Variants in ROR2 observed in about 807,000 individuals in gnomAD.
ROR2 encodes ROR family WNT receptor 2, also known as tyrosine-protein kinase transmembrane receptor ROR2.
Under a neutral mutation model 74.9 loss-of-function variants are expected in ROR2, and 33 were observed. The ratio of observed to expected loss-of-function variants is 0.44; its 90% confidence interval spans 0.33 to 0.59. ROR2 has a LOEUF of 0.59. ROR2 is among the 20% of genes least tolerant of loss of function. ROR2 has a pLI of 0.02. For synonymous variants in ROR2, 586 were observed against 558.7 expected, an observed-to-expected ratio of 1.05 and a Z score of -0.69; for missense variants, 1,216 against 1,313.8, an observed-to-expected ratio of 0.93 and a Z score of 1.15.
intron 1 of ROR2, among the ~76,000 whole-genome samples, chr9:91,806,087 C>T (rs955359548): frequency 2.0e-5 from 3 of 152,142 alleles, no homozygotes; most frequent in Admixed American, 1.3e-4. Context: ...TGTGACTGTT[C>T]GGGTGTGGAG....
intron 1 of ROR2, among the ~76,000 whole-genome samples, chr9:91,819,310 G>A (rs1367119041): frequency 1.3e-5 from 2 of 152,216 alleles, no homozygotes; most frequent in Non-Finnish European, 2.9e-5. Context: ...GCACAGAGAG[G>A]GTCCTGCTTC....
At chr9:91,903,567 A>C (rs1219114983) in intron 1 of ROR2, among the ~76,000 whole-genome samples, 1 of 152,106 alleles carries the variant, frequency 6.6e-6, no homozygotes, top group Non-Finnish European at 1.5e-5. Flanking sequence ...TCTGGAACAA[A>C]CAACCCCAAC....
In ROR2 at chr9:91,909,855, T is replaced by TG. The variant is rs1218257478; in HGVS notation, c.97+40011_97+40012insC. On this transcript the variant is annotated intron_variant, in intron 1 of 8. Coordinates refer to ENST00000375708, the MANE Select transcript of ROR2 (RefSeq NM_004560.4). Reference sequence around the variant, plus strand: ...TTTTTTAGGTTTGTTTTGTTTTTTTTTTTTTTTTTTTTTTTTAGTTTTTTT... The same window carrying TG: ...TTTTTTAGGTTTGTTTTGTTTTTTTTGTTTTTTTTTTTTTTTTAGTTTTTTT... 1.1e-3 allele frequency among the ~76,000 whole-genome samples: 138 copies of TG among 123,506 alleles called. 3 individuals carry two copies. The highest frequency in any genetic ancestry group is 3.8e-3 in the Middle Eastern group (1 of 264). 81.0% of individuals were successfully genotyped at this position (123,506 alleles called of 152,430 possible).
intron 2 of ROR2, among the ~76,000 whole-genome samples, chr9:91,770,000 G>A (rs770476575): frequency 1.8e-4 from 28 of 152,314 alleles, no homozygotes; most frequent in Non-Finnish European, 3.7e-4. Flanking sequence ...TCCGAGTACC[G>A]CCTTGGACAT....
Position 91,775,818 on chromosome 9 carries a change from C to T in ROR2, c.98G>A (p.Gly33Asp), listed in dbSNP as rs757564193. 2 of 1,614,026 alleles carry T rather than the reference C, an allele frequency of 1.2e-6. No individual in the cohort carries two copies. Among genetic ancestry groups the T allele is most frequent in the South Asian group, 2.2e-5 (2 of 91,072 alleles). The change falls in exon 2 of 9, where the codon GGT (glycine) becomes GAT (aspartate). Residue 33 changes from glycine to aspartate, a missense_variant and splice_region_variant. Gly to Asp is a moderately conservative substitution (Grantham distance 94). Coordinates refer to ENST00000375708, the MANE Select transcript of ROR2 (RefSeq NM_004560.4). ...ALLLSVSRTS[G>D]EVEVLDPNDP... ...GTTCGGATCCAGAACCTCCACTTCA[C>T]CTGGGAAAAAGAAACCAGGATAGGT...
chr9:91,863,883 G>C (rs544137546), intron 1 of ROR2, among the ~76,000 whole-genome samples: 5 of 152,246 alleles, frequency 3.3e-5, no homozygotes, highest in Admixed American at 3.3e-4. Context: ...GACTTTAAAT[G>C]GTGAACTGCA....
intron 1 of ROR2, among the ~76,000 whole-genome samples, chr9:91,893,557 TA>T (rs1280056965): frequency 1.3e-5 from 2 of 152,214 alleles, no homozygotes; most frequent in African/African-American, 4.8e-5. Flanking sequence ...AACCCCTGCC[TA>T]TTCTTCCCAT....
At chr9:91,771,463 G>A (rs1826224536) in intron 2 of ROR2, among the ~76,000 whole-genome samples, 2 of 152,354 alleles carry the variant, frequency 1.3e-5, no homozygotes, top group South Asian at 4.1e-4. Context: ...TCTAAAGCAT[G>A]TATGTGTGTA....
chr9:91,844,276 C>T (rs1587774499), intron 1 of ROR2, among the ~76,000 whole-genome samples: 2 of 152,122 alleles, frequency 1.3e-5, no homozygotes, highest in Non-Finnish European at 1.5e-5. Flanking sequence ...TCCTGGGATC[C>T]GAGAGCACAA....
At chr9:91,915,885 C>T (rs988835702) in intron 1 of ROR2, among the ~76,000 whole-genome samples, 2 of 152,154 alleles carry the variant, frequency 1.3e-5, no homozygotes, top group African/African-American at 4.8e-5. Flanking sequence ...TCCTATAAAA[C>T]GAAAAAGTTC....
At chr9:91,932,688 A>G (rs118095543) in intron 1 of ROR2, among the ~76,000 whole-genome samples, 4,454 of 152,214 alleles carry the variant, frequency 0.029, 101 homozygotes, top group South Asian at 0.061. Flanking sequence ...GAAAGAAAAG[A>G]AAACAGAAAT....
chr9:91,931,949 G>C (rs1233778728), intron 1 of ROR2, among the ~76,000 whole-genome samples: 1 of 152,140 alleles, frequency 6.6e-6, no homozygotes, highest in Non-Finnish European at 1.5e-5. Flanking sequence ...AATGAGTAAA[G>C]AGTTAGTCCT....
chr9:91,785,349 TG>T (rs1419887319), intron 1 of ROR2, among the ~76,000 whole-genome samples: 1 of 152,228 alleles, frequency 6.6e-6, no homozygotes, highest in East Asian at 1.9e-4. Context: ...CTGGACAACC[TG>T]AAGCCTACTT....
chr9:91,835,016 G>C (rs1441078584), intron 1 of ROR2, among the ~76,000 whole-genome samples: 1 of 151,932 alleles, frequency 6.6e-6, no homozygotes, highest in Non-Finnish European at 1.5e-5. Context: ...GGGTGGGTGG[G>C]CCAGGGATGA....
At chr9:91,925,322 C>G (rs924795405) in intron 1 of ROR2, among the ~76,000 whole-genome samples, 1 of 152,146 alleles carries the variant, frequency 6.6e-6, no homozygotes, top group Non-Finnish European at 1.5e-5. Context: ...CAAGAACGCA[C>G]TTCCCCCAAG....
chr9:91,807,460 A>G (rs1360026301), intron 1 of ROR2, among the ~76,000 whole-genome samples: 3 of 152,232 alleles, frequency 2.0e-5, no homozygotes, highest in African/African-American at 7.2e-5. Context: ...TAAACCAGTA[A>G]GTGTGTTTTC....
chr9:91,843,511 A>C (rs1563994460), intron 1 of ROR2, among the ~76,000 whole-genome samples: 1 of 152,182 alleles, frequency 6.6e-6, no homozygotes, highest in East Asian at 1.9e-4. Flanking sequence ...TGAGAGGCGC[A>C]GGTGGGGAGT....
intron 1 of ROR2, among the ~76,000 whole-genome samples, chr9:91,891,254 T>C (rs909099799): frequency 6.0e-5 from 2 of 33,218 alleles, no homozygotes; most frequent in Non-Finnish European, 9.6e-5. Flanking sequence ...GTTCCTTTCT[T>C]TTTTTTTTTT....
chr9:91,815,497 C>T (rs1454192034), intron 1 of ROR2, among the ~76,000 whole-genome samples: 1 of 152,202 alleles, frequency 6.6e-6, no homozygotes, highest in African/African-American at 2.4e-5. Flanking sequence ...AGAATGAATA[C>T]AACCAGACTG....
Sources: gnomAD v4.1 joint callset for allele counts (sites outside exome capture counted in the v4.1 genomes callset) on GRCh38, gnomAD v4.1.1 for gene constraint, MANE v1.5 for transcripts, NCBI Gene and HGNC (gene_info 2026-07-23, HGNC 2026-07-21) for gene names.